The following CARMIL1 variants were observed in gnomAD, a reference collection of about 807,000 sequenced individuals.
CARMIL1 encodes F-actin-uncapping protein LRRC16A.
A neutral mutation model predicts 177.1 loss-of-function variants in CARMIL1; 90 were observed. The observed-to-expected ratio is 0.51, with a 90% CI of 0.43 to 0.61. The LOEUF (loss-of-function observed/expected upper bound fraction) is 0.61. Ranked by LOEUF, CARMIL1 falls within the 20% of genes least tolerant of loss-of-function variation. CARMIL1 has a pLI of 0.00. For synonymous variants in CARMIL1, 577 were observed against 606.2 expected (o/e 0.95, Z 0.71); for missense variants, 1,380 against 1,667.0 (o/e 0.83, Z 3.00).
intron 2 of CARMIL1, among the ~76,000 whole-genome samples, chr6:25,302,561 A>T (rs943357756): frequency 6.6e-6 from 1 of 152,256 alleles, no homozygotes; most frequent in African/African-American, 2.4e-5. Context: ...TGATATACAC[A>T]GAATATTTGC....
chr6:25,514,151 C>T (rs1176847254), intron 20 of CARMIL1, among the ~76,000 whole-genome samples: 1 of 152,182 alleles, frequency 6.6e-6, no homozygotes, highest in African/African-American at 2.4e-5. Flanking sequence ...GCAAGACAAA[C>T]AAAACCTGCC....
At chr6:25,616,303 C>A (rs1469029054) in intron 36 of CARMIL1, among the ~76,000 whole-genome samples, 1 of 152,170 alleles carries the variant, frequency 6.6e-6, no homozygotes, top group African/African-American at 2.4e-5. Flanking sequence ...CACAGTGGTT[C>A]ACATTTGTAA....
intron 22 of CARMIL1, among the ~76,000 whole-genome samples, chr6:25,519,372 A>G (rs1562242597): frequency 6.6e-6 from 1 of 152,184 alleles, no homozygotes; most frequent in Admixed American, 6.5e-5. Flanking sequence ...CATCTCTAAT[A>G]CTGGCATTTG....
At chr6:25,604,779 A>C (rs748088126) in intron 33 of CARMIL1, 33 bp from the exon 34 acceptor site, 1 of 1,507,502 alleles carries the variant, frequency 6.6e-7, no homozygotes, top group Admixed American at 2.0e-5. Context: ...ATAAATGTGC[A>C]CTTTTTGGGG....
intron 2 of CARMIL1, among the ~76,000 whole-genome samples, chr6:25,407,596 G>T (rs1794494679): frequency 6.6e-6 from 1 of 152,200 alleles, no homozygotes; most frequent in African/African-American, 2.4e-5. Context: ...GGTAAGATCA[G>T]TTCTCCAGCT....
intron 29 of CARMIL1, 71 bp downstream of exon 29, chr6:25,556,921 T>TTTTTTAA: frequency 1.5e-6 from 2 of 1,354,828 alleles, no homozygotes; most frequent in Non-Finnish European, 2.0e-6. Context: ...TTTTTTTTTT[T>TTTTTTAA]AAATCTCACC....
At chr6:25,416,240 C>T (rs1222902895) in intron 2 of CARMIL1, among the ~76,000 whole-genome samples, 2 of 152,078 alleles carry the variant, frequency 1.3e-5, no homozygotes. Context: ...CTTTAAAGCT[C>T]CATGACTCAT....
At chr6:25,439,792 G>T (rs1445040745) in intron 5 of CARMIL1, among the ~76,000 whole-genome samples, 1 of 152,154 alleles carries the variant, frequency 6.6e-6, no homozygotes, top group Non-Finnish European at 1.5e-5. Flanking sequence ...CAAATTGGAT[G>T]TAGCTAGCGC....
At chr6:25,307,319 A>G (rs759482358) in intron 2 of CARMIL1, among the ~76,000 whole-genome samples, 8 of 152,204 alleles carry the variant, frequency 5.3e-5, no homozygotes, top group Non-Finnish European at 8.8e-5. Context: ...ACATTATGTC[A>G]TGGAACTTAT....
Position 25,600,620 on chromosome 6 carries a change from G to A in CARMIL1, c.3426G>A (p.Lys1142=). 1 of 1,613,954 alleles carries A rather than the reference G, an allele frequency of 6.2e-7. No individual in the cohort carries two copies. The highest frequency in any genetic ancestry group is 8.5e-7 in the Non-Finnish European group (1 of 1,179,878). Residue 1142 remains lysine, a synonymous_variant, in exon 33 of 37, where the codon AAG becomes AAA. Transcript: ENST00000329474. The stretch of plus-strand genomic sequence containing the variant: ...AGAGTCAAGGGGAAGAAATAGGGAA[G>A]GTGGAACGGAGTGACAGCAAGAGCA... ...FEESQGEEIG[K]VERSDSKSSP...
At chr6:25,394,836 C>T (rs1043683762) in intron 2 of CARMIL1, among the ~76,000 whole-genome samples, 2 of 152,186 alleles carry the variant, frequency 1.3e-5, no homozygotes, top group Non-Finnish European at 2.9e-5. Context: ...CAAATGAGTA[C>T]TACCTATTTG....
rs115243965 is a variant in CARMIL1 at position 25,288,050 on chromosome 6, G to C, written c.138+3141G>C. Among the ~76,000 whole-genome samples the C allele has an allele frequency of 5.4e-3, 824 of 152,324 alleles. 5 individuals carry two copies. The highest frequency in any genetic ancestry group is 0.019 in the African/African-American group (775 of 41,572). On this transcript the variant is annotated intron_variant, in intron 2 of 36. Transcript: ENST00000329474. ...GGCAGTGGTTTCAGATGTGCTATGA[G>C]TGGATGAATCGGGGCTTCAGGAGCA...
At chr6:25,374,922 G>A (rs1790832505) in intron 2 of CARMIL1, among the ~76,000 whole-genome samples, 1 of 152,038 alleles carries the variant, frequency 6.6e-6, no homozygotes, top group African/African-American at 2.4e-5. Context: ...TTCATGTTAG[G>A]TGATTCTCTT....
intron 10 of CARMIL1, 71 bp downstream of exon 10, chr6:25,471,328 A>G: frequency 9.1e-7 from 1 of 1,103,992 alleles, no homozygotes; most frequent in Non-Finnish European, 1.3e-6. Context: ...TAATTAATTC[A>G]TAGTTTTTTT....
chr6:25,358,811 C>T (rs1176967469), intron 2 of CARMIL1, among the ~76,000 whole-genome samples: 1 of 152,186 alleles, frequency 6.6e-6, no homozygotes, highest in African/African-American at 2.4e-5. Context: ...CACTGCAAAA[C>T]AGGTGTACTT....
At chr6:25,528,994 A>C (rs1198315939) in intron 24 of CARMIL1, 101 bp downstream of exon 24, 1 of 860,796 alleles carries the variant, frequency 1.2e-6, no homozygotes, top group Admixed American at 2.9e-5. Context: ...GGTCAATAAG[A>C]ACTAGTTTTT....
chr6:25,506,086 G>T (rs2762356), intron 17 of CARMIL1, among the ~76,000 whole-genome samples: 66,398 of 152,066 alleles, frequency 0.44, 14,877 homozygotes, highest in Middle Eastern at 0.52. Flanking sequence ...GACAGTTTCA[G>T]TCCATTTGAT....
rs551070654 is a variant in CARMIL1 at position 25,346,802 on chromosome 6, AT to A, written c.138+61897del. Among the ~76,000 whole-genome samples, 370 of 152,308 alleles carry A rather than the reference AT, an allele frequency of 2.4e-3. 2 individuals carry two copies. The highest frequency in any genetic ancestry group is 0.024 in the Middle Eastern group (7 of 294). ...CCACAATGCACTAATAAAGCTAATT[AT>A]TTTATTTCATGTTCCCTCTTAAAGT... On this transcript the variant is annotated intron_variant, in intron 2 of 36. Transcript: ENST00000329474.
At chr6:25,390,412 C>T (rs1290218583) in intron 2 of CARMIL1, among the ~76,000 whole-genome samples, 9 of 147,424 alleles carry the variant, frequency 6.1e-5, no homozygotes, top group African/African-American at 2.0e-4. Flanking sequence ...ACCTCTGCCT[C>T]TTGGGCTCAA....
Sources: gnomAD v4.1 joint callset for allele counts (sites outside exome capture counted in the v4.1 genomes callset) on GRCh38, gnomAD v4.1.1 for gene constraint, MANE v1.5 for transcripts, NCBI Gene and HGNC (gene_info 2026-07-23, HGNC 2026-07-21) for gene names.